The following ELMOD2 variants were observed in gnomAD, a reference collection of about 807,000 sequenced individuals.
The protein encoded by ELMOD2 is ELMO domain-containing protein 2.
ELMOD2 carries 28 observed loss-of-function variants against 41.0 expected under a neutral mutation model. That is an observed-to-expected ratio of 0.68 (90% CI 0.51 to 0.94). The LOEUF (loss-of-function observed/expected upper bound fraction) is 0.94, where lower values mean the gene tolerates loss of function less well. Among genes scored for constraint, ELMOD2 ranks in the 40% least tolerant of loss-of-function variants. ELMOD2 has a pLI of 0.00. For missense variants in ELMOD2, 333 were observed against 343.1 expected, an observed-to-expected ratio of 0.97 and a Z score of 0.23; for synonymous variants, 106 against 107.2, an observed-to-expected ratio of 0.99 and a Z score of 0.07.
chr4:140,534,305 C>T (rs1734843215), intron 3 of ELMOD2, among the ~76,000 whole-genome samples: 1 of 152,124 alleles, frequency 6.6e-6, no homozygotes. Flanking sequence ...AGAAGCCAGA[C>T]ACAAAATAGT....
Position 140,553,519 on chromosome 4 carries a change from A to G in ELMOD2, c.*3144A>G, listed in dbSNP as rs1174026370. Reference sequence around the variant, plus strand: ...GGGTTTTTTTCTGTATTCATTTTTTAATGAGAAAAGTTTTAAATGTAGTAC... The same window carrying G: ...GGGTTTTTTTCTGTATTCATTTTTTGATGAGAAAAGTTTTAAATGTAGTAC... On this transcript the variant is annotated 3_prime_UTR_variant, in exon 9 of 9. Transcript: ENST00000323570. The G allele has an allele frequency of 6.6e-6, 1 of 152,106 alleles. No homozygotes were observed. The highest frequency in any genetic ancestry group is 1.5e-5 in the Non-Finnish European group (1 of 67,980). 9.4% of individuals were successfully genotyped at this position (152,106 alleles called of 1,614,324 possible).
intron 7 of ELMOD2, 32 bp downstream of exon 7, chr4:140,542,674 TCTTG>T (rs1735146928): frequency 6.8e-7 from 1 of 1,475,778 alleles, no homozygotes. Flanking sequence ...AGCCGTAATC[TCTTG>T]CATTTATAAT....
chr4:140,549,925 G>C (rs1030403533), intron 8 of ELMOD2, among the ~76,000 whole-genome samples: 2 of 151,850 alleles, frequency 1.3e-5, no homozygotes, highest in Non-Finnish European at 2.9e-5. Context: ...GGCCTCAAGC[G>C]ATCTGCCCAC....
At chr4:140,532,275 T>C (rs1233360590) in intron 3 of ELMOD2, among the ~76,000 whole-genome samples, 1 of 150,536 alleles carries the variant, frequency 6.6e-6, no homozygotes, top group Admixed American at 6.6e-5. Flanking sequence ...AGCAGTTCTC[T>C]CACCTCAGTC....
In ELMOD2 at chr4:140,553,689, ACTT is replaced by A. The variant is rs2110896464; in HGVS notation, c.*3318_*3320del. On this transcript the variant is annotated 3_prime_UTR_variant, in exon 9 of 9. Coordinates refer to ENST00000323570, the MANE Select transcript of ELMOD2 (RefSeq NM_153702.4). ...TTGTCTACTTTGGATAAGGCAGTTG[ACTT>A]CTTAAGTAAAAGCAATAGTGTAAAA... is the stretch of plus-strand genomic sequence containing the variant. The A allele has an allele frequency of 6.6e-6, 1 of 152,256 alleles. No homozygotes were observed. The highest frequency in any genetic ancestry group is 2.1e-4 in the South Asian group (1 of 4,824). 9.4% of individuals were successfully genotyped at this position (152,256 alleles called of 1,614,324 possible). A position where few individuals can be genotyped will look rare whatever the true frequency, so the allele number is the denominator to read the frequency against.
At chr4:140,537,344 C>A in intron 4 of ELMOD2, 68 bp from the exon 5 acceptor site, 5 of 1,331,756 alleles carry the variant, frequency 3.8e-6, no homozygotes, top group Non-Finnish European at 2.9e-6. Flanking sequence ...ACATATGAAC[C>A]ACAAGCTATG....
chr4:140,538,115 G>A (rs1287861129), intron 5 of ELMOD2, among the ~76,000 whole-genome samples: 1 of 152,046 alleles, frequency 6.6e-6, no homozygotes, highest in African/African-American at 2.4e-5. Context: ...AAGCCAATGA[G>A]GTGCCAAAAT....
At chr4:140,537,388 T>A in intron 4 of ELMOD2, 24 bp from the exon 5 acceptor site, 2 of 1,474,934 alleles carry the variant, frequency 1.4e-6, no homozygotes, top group Non-Finnish European at 1.8e-6. Context: ...GTATGCTTTT[T>A]AAAAATAATT....
At chr4:140,539,615 G>C (rs989680974) in intron 5 of ELMOD2, among the ~76,000 whole-genome samples, 1 of 152,044 alleles carries the variant, frequency 6.6e-6, no homozygotes, top group Non-Finnish European at 1.5e-5. Flanking sequence ...CAAAGGGCTG[G>C]GATTACAGGC....
intron 5 of ELMOD2, among the ~76,000 whole-genome samples, chr4:140,539,435 C>T (rs541418028): frequency 6.6e-6 from 1 of 151,624 alleles, no homozygotes; most frequent in Non-Finnish European, 1.5e-5. Flanking sequence ...CATCTCAGCT[C>T]ACTGCAAGCT....
chr4:140,536,111 C>A (rs1734917240), intron 4 of ELMOD2, among the ~76,000 whole-genome samples: 1 of 152,150 alleles, frequency 6.6e-6, no homozygotes. Context: ...ATAACTTTGG[C>A]TACTATGTCT....
intron 8 of ELMOD2, among the ~76,000 whole-genome samples, chr4:140,548,787 T>C (rs1304456284): frequency 1.3e-5 from 2 of 152,174 alleles, no homozygotes; most frequent in African/African-American, 4.8e-5. Flanking sequence ...TTTTAAAAAA[T>C]AATTCAATAA....
In ELMOD2 at chr4:140,525,802, A is replaced by G. The variant is rs539857584; in HGVS notation, c.142+232A>G. Among the ~76,000 whole-genome samples, 5 of 152,336 alleles carry G rather than the reference A, an allele frequency of 3.3e-5. No homozygotes were observed. In the South Asian group the frequency reaches 1.0e-3, roughly 32 times the overall value. On this transcript the variant is annotated intron_variant, in intron 2 of 8. Coordinates refer to ENST00000323570, the MANE Select transcript of ELMOD2 (RefSeq NM_153702.4). Reference sequence around the variant, plus strand: ...AAGAATTCTCTGGCTCCTGAAGTTTATCGGTTATTCCTTAGATTATAGTTG... The same window carrying G: ...AAGAATTCTCTGGCTCCTGAAGTTTGTCGGTTATTCCTTAGATTATAGTTG...
intron 8 of ELMOD2, among the ~76,000 whole-genome samples, chr4:140,548,091 A>G (rs1320753534): frequency 1.3e-5 from 2 of 152,196 alleles, no homozygotes; most frequent in African/African-American, 2.4e-5. Context: ...CTCTGAAGCA[A>G]GAAGTTCCTA....
intron 7 of ELMOD2, 128 bp downstream of exon 7, chr4:140,542,770 A>G: frequency 3.1e-6 from 2 of 642,814 alleles, no homozygotes; most frequent in South Asian, 3.4e-5. Context: ...TTTAAAGGAT[A>G]TTACATGATA....
At chr4:140,538,102 A>G (rs1734989504) in intron 5 of ELMOD2, among the ~76,000 whole-genome samples, 1 of 152,212 alleles carries the variant, frequency 6.6e-6, no homozygotes, top group South Asian at 2.1e-4. Flanking sequence ...GTATAAATGC[A>G]TAAAGCCAAT....
intron 1 of ELMOD2, 93 bp from the exon 2 acceptor site, chr4:140,525,327 A>G (rs1734522890): frequency 7.6e-7 from 1 of 1,307,970 alleles, no homozygotes; most frequent in Non-Finnish European, 1.0e-6. Flanking sequence ...TGATAGATAC[A>G]TAATTTGAGA....
At chr4:140,532,750 C>T (rs1734791947) in intron 3 of ELMOD2, among the ~76,000 whole-genome samples, 1 of 152,144 alleles carries the variant, frequency 6.6e-6, no homozygotes, top group South Asian at 2.1e-4. Context: ...TTTTATTCAG[C>T]ATCATACTAG....
intron 7 of ELMOD2, 68 bp from the exon 8 acceptor site, chr4:140,543,385 A>T: frequency 6.6e-7 from 1 of 1,513,766 alleles, no homozygotes; most frequent in East Asian, 2.4e-5. Context: ...ACTAATTCCT[A>T]ACATAATTTT....
Sources: allele counts gnomAD v4.1 joint callset (sites outside exome capture counted in the v4.1 genomes callset), GRCh38; gene constraint gnomAD v4.1.1; transcripts MANE v1.5; gene names NCBI Gene and HGNC (gene_info 2026-07-23, HGNC 2026-07-21).